CCM2: variants seen among roughly 807,000 people sequenced by gnomAD.
The protein encoded by CCM2 is CCM2 scaffold protein, also known as cerebral cavernous malformations 2 protein.
Under a neutral mutation model 44.9 loss-of-function variants are expected in CCM2, and 25 were observed. That is an observed-to-expected ratio of 0.56 (90% CI 0.41 to 0.78). CCM2 has a LOEUF of 0.78. Ranked by LOEUF, CCM2 falls within the 30% of genes least tolerant of loss-of-function variation. CCM2 has a pLI of 0.00. For missense variants in CCM2, 481 were observed against 580.6 expected, an observed-to-expected ratio of 0.83 and a Z score of 1.76; for synonymous variants, 219 against 241.1, an observed-to-expected ratio of 0.91 and a Z score of 0.85.
intron 1 of CCM2, among the ~76,000 whole-genome samples, chr7:45,037,153 C>T (rs1261901661): frequency 6.6e-6 from 1 of 151,808 alleles, no homozygotes; most frequent in Non-Finnish European, 1.5e-5. Context: ...TTGCTTCCCC[C>T]CAGACCCCCA....
intron 2 of CCM2, among the ~76,000 whole-genome samples, chr7:45,055,133 G>A (rs1411480410): frequency 6.6e-6 from 1 of 152,192 alleles, no homozygotes; most frequent in East Asian, 1.9e-4. Flanking sequence ...CCAAAGAAAA[G>A]CAAGATAATG....
intron 2 of CCM2, among the ~76,000 whole-genome samples, chr7:45,060,688 CAG>C (rs1225815845): frequency 1.3e-5 from 2 of 152,174 alleles, no homozygotes; most frequent in Non-Finnish European, 2.9e-5. Context: ...TTCTTAAGCT[CAG>C]AGAGTCTCTC....
rs769322559 is a variant in CCM2, at chr7:45,074,369, C to A, written c.1015C>A (p.Arg339=). ...ASIHEFCINL[R]QLYGDSRKFL... is the part of the protein sequence containing the mutation. ...TATCCACGAGTTCTGCATCAACCTG[C>A]GGCAGCTCTACGGGGACAGCCGCAA... Residue 339 remains arginine, a synonymous_variant, in exon 9 of 10, where the codon CGG becomes AGG. Coordinates refer to ENST00000258781, the MANE Select transcript of CCM2 (RefSeq NM_031443.4). The A allele has an allele frequency of 6.2e-7, 1 of 1,613,568 alleles. No homozygotes were observed. Among genetic ancestry groups the A allele is most frequent in the Non-Finnish European group, 8.5e-7 (1 of 1,180,024 alleles).
intron 1 of CCM2, among the ~76,000 whole-genome samples, chr7:45,016,031 A>AT (rs775522819): frequency 3.3e-5 from 5 of 152,338 alleles, no homozygotes; most frequent in Non-Finnish European, 5.9e-5. Context: ...ATCTGGAATA[A>AT]TTTACCTTTG....
In CCM2 at chr7:45,066,118, C is replaced by T. The variant is rs190102449; in HGVS notation, c.472+1472C>T. Among the ~76,000 whole-genome samples, 107 of 152,116 alleles carry T rather than the reference C, an allele frequency of 7.0e-4. 2 individuals are homozygous for T. Among genetic ancestry groups the T allele is most frequent in the African/African-American group, 2.6e-3 (106 of 41,468 alleles). On this transcript the variant is annotated intron_variant, in intron 4 of 9. Transcript: ENST00000258781. ...TTTTTTTTAATGGAGAGAGAATGAG[C>T]GCCATAGGAGAAACTTTCCAAAATT...
At chr7:45,064,345 T>C in intron 3 of CCM2, 118 bp from the exon 4 acceptor site, 1 of 987,516 alleles carries the variant, frequency 1.0e-6, no homozygotes, top group Admixed American at 1.9e-5. Flanking sequence ...AACACTGACC[T>C]TATTCACTCA....
At chr7:45,074,728 C>A (rs1281774501) in intron 9 of CCM2, among the ~76,000 whole-genome samples, 1 of 152,136 alleles carries the variant, frequency 6.6e-6, no homozygotes, top group African/African-American at 2.4e-5. Context: ...GAACACAACC[C>A]TGAGATTTAG....
intron 6 of CCM2, 96 bp downstream of exon 6, chr7:45,070,057 C>A: frequency 6.7e-7 from 1 of 1,482,002 alleles, no homozygotes; most frequent in Non-Finnish European, 9.3e-7. Context: ...TGGAATAGCG[C>A]AGTTACTGCC....
intron 1 of CCM2, among the ~76,000 whole-genome samples, chr7:45,033,326 A>G (rs960286026): frequency 6.6e-6 from 1 of 152,198 alleles, no homozygotes; most frequent in Non-Finnish European, 1.5e-5. Context: ...GTACATCAAC[A>G]TTAAAATAAC....
chr7:45,024,002 G>A (rs1294181183), intron 1 of CCM2, among the ~76,000 whole-genome samples: 2 of 151,772 alleles, frequency 1.3e-5, no homozygotes, highest in Non-Finnish European at 2.9e-5. Flanking sequence ...TAGAGTTGGG[G>A]GTTTCTCCAT....
At chr7:45,049,791 C>T (rs986414737) in intron 2 of CCM2, among the ~76,000 whole-genome samples, 6 of 152,194 alleles carry the variant, frequency 3.9e-5, no homozygotes, top group African/African-American at 7.2e-5. Context: ...AGTGTGCAGG[C>T]GGCCCTGTAC....
chr7:45,040,598 T>C (rs1797444230), intron 2 of CCM2, among the ~76,000 whole-genome samples: 1 of 152,140 alleles, frequency 6.6e-6, no homozygotes, highest in South Asian at 2.1e-4. Flanking sequence ...ACTCCCCCCA[T>C]TGAAAGGATC....
chr7:45,013,285 A>G (rs1796136075), intron 1 of CCM2, among the ~76,000 whole-genome samples: 1 of 151,832 alleles, frequency 6.6e-6, no homozygotes, highest in Non-Finnish European at 1.5e-5. Flanking sequence ...TTTTCTTTCT[A>G]TACGTGTTAT....
chr7:45,065,906 C>T (rs189744169), intron 4 of CCM2, among the ~76,000 whole-genome samples: 24 of 152,288 alleles, frequency 1.6e-4, no homozygotes, highest in Non-Finnish European at 2.5e-4. Flanking sequence ...TTGGACCCTG[C>T]GGGAGGCCTT....
intron 1 of CCM2, among the ~76,000 whole-genome samples, chr7:45,022,667 T>A (rs530423553): frequency 6.6e-4 from 101 of 152,300 alleles, no homozygotes; most frequent in African/African-American, 2.2e-3. Flanking sequence ...CATTAAATTT[T>A]AAAAAATTTC....
At chr7:45,017,049 G>C (rs1304225368) in intron 1 of CCM2, among the ~76,000 whole-genome samples, 2 of 152,066 alleles carry the variant, frequency 1.3e-5, no homozygotes, top group East Asian at 3.9e-4. Context: ...GATTACAGGC[G>C]TGAGCCACTG....
intron 4 of CCM2, among the ~76,000 whole-genome samples, chr7:45,066,637 C>G (rs1321508394): frequency 6.6e-6 from 1 of 152,208 alleles, no homozygotes; most frequent in Non-Finnish European, 1.5e-5. Flanking sequence ...CAATAGGGTC[C>G]ATGTGGCAGG....
At chr7:45,074,145 T>C in intron 8 of CCM2, 125 bp from the exon 9 acceptor site, 2 of 1,554,036 alleles carry the variant, frequency 1.3e-6, no homozygotes, top group East Asian at 2.3e-5. Flanking sequence ...TGCCCCAGCC[T>C]GTGCAGAGGT....
At chr7:45,073,358 A>G in intron 7 of CCM2, 102 bp from the exon 8 acceptor site, 1 of 763,042 alleles carries the variant, frequency 1.3e-6, no homozygotes, top group Non-Finnish European at 2.3e-6. Flanking sequence ...CCTCTGTTCA[A>G]GGACAGGGAC....
Sources: gnomAD v4.1 joint callset for allele counts (sites outside exome capture counted in the v4.1 genomes callset) on GRCh38, gnomAD v4.1.1 for gene constraint, MANE v1.5 for transcripts, NCBI Gene and HGNC (gene_info 2026-07-23, HGNC 2026-07-21) for gene names.